Variants in SPIDR observed in about 807,000 individuals in gnomAD.
SPIDR encodes the protein scaffold protein involved in DNA repair.
SPIDR carries 93 observed loss-of-function variants against 104.6 expected under a neutral mutation model. The ratio of observed to expected loss-of-function variants is 0.89; its 90% CI spans 0.75 to 1.06. The LOEUF is 1.06. SPIDR is among the 50% of genes least tolerant of loss of function. SPIDR has a pLI of 0.00. For synonymous variants in SPIDR, 431 were observed against 416.9 expected, an observed-to-expected ratio of 1.03 and a Z score of -0.41; for missense variants, 1,154 against 1,111.2, an observed-to-expected ratio of 1.04 and a Z score of -0.55.
At chr8:47,710,649 G>C (rs2081735484) in intron 14 of SPIDR, among the ~76,000 whole-genome samples, 1 of 151,984 alleles carries the variant, frequency 6.6e-6, no homozygotes, top group South Asian at 2.1e-4. Flanking sequence ...TGTGCTTTTA[G>C]TAGAGATGGG....
chr8:47,595,167 G>A (rs559162795), intron 8 of SPIDR, among the ~76,000 whole-genome samples: 36 of 152,090 alleles, frequency 2.4e-4, no homozygotes, highest in African/African-American at 8.7e-4. Flanking sequence ...CTTAATTAGA[G>A]GAATAGGGGA....
At chr8:47,588,044 T>C (rs1419171392) in intron 8 of SPIDR, among the ~76,000 whole-genome samples, 7 of 50,222 alleles carry the variant, frequency 1.4e-4, no homozygotes, top group African/African-American at 2.3e-4. Flanking sequence ...TATATATATA[T>C]ATATATATAT....
intron 5 of SPIDR, among the ~76,000 whole-genome samples, chr8:47,307,474 CT>C (rs1554582074): frequency 6.6e-6 from 1 of 151,212 alleles, no homozygotes; most frequent in African/African-American, 2.4e-5. Flanking sequence ...CCACCTTGGC[CT>C]CCCAAAATGC....
chr8:47,528,918 G>C (rs2085464056), intron 8 of SPIDR, among the ~76,000 whole-genome samples: 1 of 152,106 alleles, frequency 6.6e-6, no homozygotes, highest in Non-Finnish European at 1.5e-5. Context: ...CCAAACCACA[G>C]ATGCAGGAAG....
intron 19 of SPIDR, among the ~76,000 whole-genome samples, chr8:47,731,813 A>T (rs2085291239): frequency 6.6e-6 from 1 of 152,254 alleles, no homozygotes; most frequent in Non-Finnish European, 1.5e-5. Context: ...CCCACAGCTG[A>T]CCAGGTAGAA....
At chr8:47,551,388 T>C (rs2090450134) in intron 8 of SPIDR, among the ~76,000 whole-genome samples, 2 of 152,198 alleles carry the variant, frequency 1.3e-5, no homozygotes, top group African/African-American at 4.8e-5. Flanking sequence ...TGGCTGTGAA[T>C]CCATCTGGTC....
At chr8:47,702,082 CTCTCTCTCTCTCTCT>C in intron 14 of SPIDR, 67 bp downstream of exon 14, 6 of 348,998 alleles carry the variant, frequency 1.7e-5, no homozygotes, top group Non-Finnish European at 2.2e-5. Flanking sequence ...CTCTCTCTCT[CTCTCTCTCTCTCTCT>C]TACACACACA....
intron 8 of SPIDR, among the ~76,000 whole-genome samples, chr8:47,453,413 A>AAG (rs2072278203): frequency 6.6e-6 from 1 of 152,186 alleles, no homozygotes; most frequent in African/African-American, 2.4e-5. Context: ...TGCCAAGAGA[A>AAG]TTTTAAGCCA....
chr8:47,386,902 G>GAGAGATATAGATATAGATAT (rs1187194454), intron 5 of SPIDR, among the ~76,000 whole-genome samples: 12 of 99,334 alleles, frequency 1.2e-4, no homozygotes, highest in South Asian at 3.1e-4. Context: ...AAGAGAGAGA[G>GAGAGATATAGATATAGATAT]AGATATAGAT....
At chr8:47,604,874 G>T (rs1293451666) in intron 10 of SPIDR, among the ~76,000 whole-genome samples, 2 of 152,228 alleles carry the variant, frequency 1.3e-5, no homozygotes, top group Non-Finnish European at 1.5e-5. Flanking sequence ...GAGGGTTTTA[G>T]ATTGGACATG....
intron 8 of SPIDR, among the ~76,000 whole-genome samples, chr8:47,550,036 T>C (rs2090177092): frequency 6.6e-6 from 1 of 152,214 alleles, no homozygotes; most frequent in Non-Finnish European, 1.5e-5. Context: ...CTTTCCCCAT[T>C]TCTTGTTTTT....
rs567018835 is a variant in SPIDR at position 47,530,492 on chromosome 8, T to A, written c.1098-65319T>A. 2.6e-4 allele frequency among the ~76,000 whole-genome samples: 39 copies of A among 149,172 alleles called. 1 individual carries two copies. Among genetic ancestry groups the A allele is most frequent in the South Asian group, 2.5e-3 (12 of 4,758 alleles). On this transcript the variant is annotated intron_variant, in intron 8 of 19. Coordinates refer to ENST00000297423, the MANE Select transcript of SPIDR (RefSeq NM_001080394.4). ...GAACCATGGTGTCAGAAAAAAAAAA[T>A]ATCTAAACATAGAAAACGTACAGTA... is the stretch of plus-strand genomic sequence containing the variant.
chr8:47,566,715 T>C (rs550769950), intron 8 of SPIDR, among the ~76,000 whole-genome samples: 69 of 152,282 alleles, frequency 4.5e-4, no homozygotes, highest in African/African-American at 1.7e-3. Context: ...AGTCAGTAGT[T>C]ACTGATCACC....
chr8:47,553,625 T>G (rs1163145961), intron 8 of SPIDR, among the ~76,000 whole-genome samples: 2 of 152,240 alleles, frequency 1.3e-5, no homozygotes, highest in African/African-American at 4.8e-5. Flanking sequence ...CTACACTCTT[T>G]ATTCTAGTTA....
At chr8:47,389,688 CAAA>C (rs11295388) in intron 5 of SPIDR, among the ~76,000 whole-genome samples, 5 of 62,018 alleles carry the variant, frequency 8.1e-5, no homozygotes, top group South Asian at 6.7e-4. Context: ...GACTCCATCT[CAAA>C]AAAAAAAAAA....
chr8:47,503,157 T>G (rs756256158), intron 8 of SPIDR, among the ~76,000 whole-genome samples: 22 of 152,214 alleles, frequency 1.4e-4, no homozygotes, highest in African/African-American at 1.2e-4. Flanking sequence ...TTAGTTCCGC[T>G]TGGTGCAGAA....
At chr8:47,340,329 G>A (rs1554613017) in intron 5 of SPIDR, among the ~76,000 whole-genome samples, 1 of 152,146 alleles carries the variant, frequency 6.6e-6, no homozygotes. Flanking sequence ...AATAGGCCAG[G>A]TGCAGTGGCT....
chr8:47,620,946 T>G (rs1053101721), intron 10 of SPIDR, among the ~76,000 whole-genome samples: 2 of 150,598 alleles, frequency 1.3e-5, no homozygotes, highest in African/African-American at 2.4e-5. Flanking sequence ...GGGTATACAA[T>G]TCTCACTGGG....
chr8:47,577,484 T>C (rs946805451), intron 8 of SPIDR, among the ~76,000 whole-genome samples: 4 of 152,196 alleles, frequency 2.6e-5, no homozygotes, highest in Non-Finnish European at 5.9e-5. Context: ...ACTGTGTGGG[T>C]CCACTTGTAC....
Sources: gnomAD v4.1 joint callset for allele counts (sites outside exome capture counted in the v4.1 genomes callset) on GRCh38, gnomAD v4.1.1 for gene constraint, MANE v1.5 for transcripts, NCBI Gene and HGNC (gene_info 2026-07-23, HGNC 2026-07-21) for gene names.